Variants in COL9A1 observed in about 807,000 individuals in gnomAD.
COL9A1 encodes the protein collagen alpha-1(IX) chain.
A neutral mutation model predicts 142.6 loss-of-function variants in COL9A1; 104 were observed. The observed-to-expected ratio is 0.73, with a 90% confidence interval of 0.62 to 0.86. COL9A1 has a LOEUF of 0.86. Ranked by LOEUF, COL9A1 falls within the 40% of genes least tolerant of loss-of-function variation. The probability of loss-of-function intolerance (pLI) is 0.00; values close to 1 mark genes in which losing one functional copy is unlikely to be tolerated. For synonymous variants in COL9A1, 466 were observed against 396.0 expected (o/e 1.18, Z -2.10); for missense variants, 1,210 against 1,176.6 (o/e 1.03, Z -0.42).
At chr6:70,268,041 T>C (rs474856) in intron 17 of COL9A1, among the ~76,000 whole-genome samples, 4,379 of 152,302 alleles carry the variant, frequency 0.029, 215 homozygotes, top group African/African-American at 0.098. Flanking sequence ...TTTTTGTTTG[T>C]ATGGAAAACT....
At position 70,269,634 on chromosome 6, in the gene COL9A1, A is replaced by G; in HGVS notation, c.1229T>C (p.Leu410Ser). The change falls in exon 16 of 38, where the codon TTG becomes TCG. Residue 410 changes from leucine (L) to serine (S), a missense_variant and splice_region_variant. Coordinates refer to ENST00000357250, the MANE Select transcript of COL9A1 (RefSeq NM_001851.6). The part of the protein sequence containing the change: ...GTIGFHDGDP[L>S]CPNACPPGRS... ...TTTGTTCAAAGGAAAGCATCTTACC[A>G]ATGGATCTCCATCATGAAAGCCAAT... is the stretch of plus-strand genomic sequence containing the variant. The G allele has an allele frequency of 6.3e-7, 1 of 1,590,340 alleles. No homozygotes were observed. The highest frequency in any genetic ancestry group is 8.6e-7 in the Non-Finnish European group (1 of 1,158,234).
At chr6:70,268,161 T>C (rs1772151465) in intron 17 of COL9A1, among the ~76,000 whole-genome samples, 1 of 152,148 alleles carries the variant, frequency 6.6e-6, no homozygotes, top group Non-Finnish European at 1.5e-5. Flanking sequence ...TTCAAATACA[T>C]TATGTACACA....
rs188253398 is a variant in COL9A1, at chr6:70,277,118, C to T, written c.976-2346G>A. ...CCTAACCTCTGCCTGTAAAAATTAT[C>T]ACAGTTTAGCTATAATTCTTATACT... On this transcript the variant is annotated intron_variant, in intron 10 of 37. Transcript: ENST00000357250. 2.6e-5 allele frequency among the ~76,000 whole-genome samples: 4 copies of T among 152,270 alleles called. No individual in the cohort carries two copies. In the East Asian group the frequency reaches 7.7e-4, roughly 29 times the overall value.
Position 70,216,689 on chromosome 6 carries a change from C to G in COL9A1, c.*208G>C. 3.4e-6 allele frequency: 2 copies of G among 596,050 alleles called. No homozygotes were observed. Among genetic ancestry groups the G allele is most frequent in the Non-Finnish European group, 6.0e-6 (2 of 334,178 alleles). The allele number at this position is 596,050 out of a possible 1,614,324, so 36.9% of individuals were successfully genotyped here. On this transcript the variant is annotated 3_prime_UTR_variant, in exon 38 of 38. Transcript: ENST00000357250. The stretch of plus-strand genomic sequence containing the variant: ...TTTTAACTGATGACTCTGCTGTCTT[C>G]CCTCCAAGGGAAAGGAAAGAGAACT...
At chr6:70,294,053 C>T in intron 5 of COL9A1, 114 bp downstream of exon 5, 3 of 1,424,530 alleles carry the variant, frequency 2.1e-6, no homozygotes, top group Non-Finnish European at 3.0e-6. Flanking sequence ...CCTCTGATTC[C>T]AAATTCCATC....
chr6:70,242,662 C>T lies in COL9A1; in HGVS notation c.1926G>A (p.Leu642=), dbSNP rs371545400. 3.7e-6 allele frequency: 6 copies of T among 1,613,868 alleles called. No individual in the cohort carries two copies. The highest frequency in any genetic ancestry group is 5.1e-6 in the Non-Finnish European group (6 of 1,179,792). ...AAATAAACGAAACTTTTCTACTTAC[C>T]AGTTTACCTGGTAGGCCTGGGGATC... is the stretch of plus-strand genomic sequence containing the variant. ...PVGSPGLPGK[L]GSLGSPGLPG... The change falls in exon 29 of 38, where the codon CTG becomes CTA. Residue 642 remains leucine (L), a splice_region_variant and synonymous_variant. Coordinates refer to ENST00000357250, the MANE Select transcript of COL9A1 (RefSeq NM_001851.6).
chr6:70,266,906 G>A lies in COL9A1; in HGVS notation c.1288-136C>T, dbSNP rs926535499. Reference sequence around the variant, plus strand: ...GAGTTATGTCACAAAGAAAATTAATGCCTTAAATGACCTTAACAGCACCAT... The same window carrying A: ...GAGTTATGTCACAAAGAAAATTAATACCTTAAATGACCTTAACAGCACCAT... On this transcript the variant is annotated intron_variant, in intron 17 of 37. Transcript: ENST00000357250. 5.2e-6 allele frequency: 4 copies of A among 771,590 alleles called. No individual in the cohort carries two copies. In the African/African-American group the frequency reaches 6.8e-5, roughly 13 times the overall value. The allele number at this position is 771,590 out of a possible 1,614,324, so 47.8% of individuals were successfully genotyped here.
At chr6:70,243,635 C>A (rs56733295) in intron 28 of COL9A1, among the ~76,000 whole-genome samples, 9,942 of 152,224 alleles carry the variant, frequency 0.065, 359 homozygotes, top group Non-Finnish European at 0.075. Flanking sequence ...TCAAGTGATT[C>A]TCCTGCCTCA....
At chr6:70,293,051 C>T (rs920438571) in intron 5 of COL9A1, among the ~76,000 whole-genome samples, 1 of 152,168 alleles carries the variant, frequency 6.6e-6, no homozygotes, top group African/African-American at 2.4e-5. Flanking sequence ...GTTATTTGAA[C>T]AATTCCATTA....
chr6:70,301,369 T>G (rs1583357388), intron 2 of COL9A1, among the ~76,000 whole-genome samples: 1 of 151,934 alleles, frequency 6.6e-6, no homozygotes. Context: ...TGAGGTCAGG[T>G]GTTCAAGACC....
intron 14 of COL9A1, 79 bp downstream of exon 14, chr6:70,271,576 A>C: frequency 1.6e-6 from 2 of 1,275,366 alleles, no homozygotes; most frequent in Non-Finnish European, 2.3e-6. Context: ...GGAAATGTAC[A>C]GTTAGGGTAA....
chr6:70,257,244 A>G (rs1286203549), intron 20 of COL9A1, among the ~76,000 whole-genome samples: 2 of 151,828 alleles, frequency 1.3e-5, no homozygotes, highest in Non-Finnish European at 2.9e-5. Flanking sequence ...TATTTTTAGT[A>G]GAGATGGGAT....
chr6:70,272,377 G>A (rs992293726), intron 12 of COL9A1, among the ~76,000 whole-genome samples: 9 of 151,732 alleles, frequency 5.9e-5, no homozygotes, highest in African/African-American at 1.9e-4. Flanking sequence ...CTTGCCCTCA[G>A]GAGAACTTAC....
At chr6:70,260,784 G>A (rs1306565251) in intron 19 of COL9A1, 74 bp from the exon 20 acceptor site, 13 of 1,408,800 alleles carry the variant, frequency 9.2e-6, no homozygotes, top group African/African-American at 1.4e-5. Flanking sequence ...CACAAAAGCT[G>A]ATCTAGACAA....
At chr6:70,269,250 C>T (rs553300) in intron 16 of COL9A1, among the ~76,000 whole-genome samples, 4,343 of 152,222 alleles carry the variant, frequency 0.029, 211 homozygotes, top group African/African-American at 0.097. Flanking sequence ...TCCTGAGGTT[C>T]GTGTCTCCAA....
chr6:70,271,934 C>T, intron 13 of COL9A1, 131 bp downstream of exon 13: 1 of 983,912 alleles, frequency 1.0e-6, no homozygotes, highest in Non-Finnish European at 1.6e-6. Context: ...CCTTAGTAGC[C>T]ACCTAAGATC....
chr6:70,252,198 A>G (rs756095703), intron 27 of COL9A1, 25 bp from the exon 28 acceptor site: 12 of 1,614,066 alleles, frequency 7.4e-6, no homozygotes, highest in Non-Finnish European at 1.0e-5. Flanking sequence ...GAAGGTAGAA[A>G]AAAAGTTAAC....
intron 7 of COL9A1, 43 bp downstream of exon 7, chr6:70,282,855 G>T (rs770207877): frequency 6.2e-7 from 1 of 1,613,968 alleles, no homozygotes; most frequent in Non-Finnish European, 8.5e-7. Context: ...ACCTGTCCTC[G>T]TGTGCGCTTG....
At chr6:70,266,686 A>G in intron 18 of COL9A1, 31 bp downstream of exon 18, 1 of 1,563,264 alleles carries the variant, frequency 6.4e-7, no homozygotes, top group Admixed American at 1.7e-5. Flanking sequence ...TCCTAATCAC[A>G]ATTTATCCAC....
Sources: allele counts gnomAD v4.1 joint callset (sites outside exome capture counted in the v4.1 genomes callset), GRCh38; gene constraint gnomAD v4.1.1; transcripts MANE v1.5; gene names NCBI Gene and HGNC (gene_info 2026-07-23, HGNC 2026-07-21).